Variants in GOLIM4 observed in about 807,000 individuals in gnomAD.
GOLIM4 encodes 130 kDa golgi-localized phosphoprotein.
GOLIM4 carries 71 observed loss-of-function variants against 107.4 expected under a neutral mutation model. That is an observed-to-expected ratio of 0.66 (90% CI 0.55 to 0.81). The LOEUF is 0.81. Ranked by LOEUF, GOLIM4 falls within the 30% of genes least tolerant of loss-of-function variation. GOLIM4 has a pLI of 0.00. For synonymous variants in GOLIM4, 327 were observed against 294.8 expected (o/e 1.11, Z -1.12); for missense variants, 830 against 826.1 (o/e 1.00, Z -0.06).
chr3:168,056,226 T>C (rs867570932), intron 1 of GOLIM4, among the ~76,000 whole-genome samples: 3 of 152,226 alleles, frequency 2.0e-5, no homozygotes, highest in Non-Finnish European at 2.9e-5. Context: ...GTCCCAAGCC[T>C]TGGCAGCTTC....
rs1480082316 is a variant in GOLIM4, at chr3:168,008,814, C to G, written c.*1455G>C. ...ATAATTGTATTCTGAATATTATGTA[C>G]AATATTATACATTTTACATTACATA... On this transcript the variant is annotated 3_prime_UTR_variant, in exon 16 of 16. Coordinates refer to ENST00000470487, the MANE Select transcript of GOLIM4 (RefSeq NM_014498.5). 2 of 151,322 alleles carry G rather than the reference C, an allele frequency of 1.3e-5. No homozygotes were observed. The highest frequency in any genetic ancestry group is 2.4e-5 in the African/African-American group (1 of 41,208). The allele number at this position is 151,322 out of a possible 1,614,324, so 9.4% of individuals were successfully genotyped here.
chr3:168,091,318 T>C (rs1000289931), intron 1 of GOLIM4, among the ~76,000 whole-genome samples: 2 of 152,214 alleles, frequency 1.3e-5, no homozygotes, highest in Non-Finnish European at 2.9e-5. Flanking sequence ...TCAGGCTCTT[T>C]GCCTCTACAC....
chr3:168,052,557 T>C (rs1719715092), intron 1 of GOLIM4, among the ~76,000 whole-genome samples: 1 of 152,130 alleles, frequency 6.6e-6, no homozygotes, highest in South Asian at 2.1e-4. Context: ...TTTTTGAAAA[T>C]AAAAACGGAA....
intron 4 of GOLIM4, 53 bp downstream of exon 4, chr3:168,044,775 A>C (rs1418925147): frequency 7.1e-6 from 7 of 983,046 alleles, no homozygotes; most frequent in Non-Finnish European, 9.4e-6. Flanking sequence ...AGTCAGTTCA[A>C]GTATTAGTTA....
chr3:168,050,820 C>T (rs1719586344), intron 1 of GOLIM4, among the ~76,000 whole-genome samples: 1 of 109,912 alleles, frequency 9.1e-6, no homozygotes, highest in Non-Finnish European at 1.8e-5. Context: ...CCTAGCAACA[C>T]CTATAATAAT....
At chr3:168,043,306 G>T in intron 5 of GOLIM4, 73 bp downstream of exon 5, 1 of 1,044,892 alleles carries the variant, frequency 9.6e-7, no homozygotes, top group Non-Finnish European at 1.4e-6. Flanking sequence ...CAAAACAACA[G>T]TCTACAGTTG....
chr3:168,014,531 C>T (rs1292883696), intron 14 of GOLIM4, among the ~76,000 whole-genome samples: 1 of 128,674 alleles, frequency 7.8e-6, no homozygotes, highest in African/African-American at 4.7e-5. Flanking sequence ...TCCTCCCTAA[C>T]TCATTTTATG....
chr3:168,095,464 G>A lies in GOLIM4; in HGVS notation c.-179C>T. 1.8e-6 allele frequency: 1 copy of A among 557,268 alleles called. No homozygotes were observed. Among genetic ancestry groups the A allele is most frequent in the Non-Finnish European group, 3.1e-6 (1 of 321,818 alleles). The allele number at this position is 557,268 out of a possible 1,614,324, so 34.5% of individuals were successfully genotyped here. A position where few individuals can be genotyped will look rare whatever the true frequency, so the allele number is the denominator to read the frequency against. On this transcript the variant is annotated 5_prime_UTR_variant, in exon 1 of 16. Transcript: ENST00000470487. ...CCGCTCAGCCCCCGCGCGGCGCGGG[G>A]CGCGCAGCCATCGACGCCGCCCGGG...
At chr3:168,075,824 C>T (rs1721060281) in intron 1 of GOLIM4, among the ~76,000 whole-genome samples, 1 of 152,128 alleles carries the variant, frequency 6.6e-6, no homozygotes, top group South Asian at 2.1e-4. Context: ...CAGTTTCTGA[C>T]ATTCTTAAGG....
chr3:168,011,827 G>C (rs1717054457), intron 14 of GOLIM4, among the ~76,000 whole-genome samples: 2 of 132,918 alleles, frequency 1.5e-5, no homozygotes, highest in South Asian at 4.2e-4. Flanking sequence ...ACCTGCAGCT[G>C]AGGGTCCTGT....
At chr3:168,083,317 G>C (rs865970994) in intron 1 of GOLIM4, among the ~76,000 whole-genome samples, 7 of 152,088 alleles carry the variant, frequency 4.6e-5, no homozygotes, top group African/African-American at 1.4e-4. Flanking sequence ...CTTCACCAAG[G>C]ACTGCAGTCT....
intron 14 of GOLIM4, among the ~76,000 whole-genome samples, chr3:168,022,094 T>C (rs868498512): frequency 6.6e-6 from 1 of 152,014 alleles, no homozygotes; most frequent in South Asian, 2.1e-4. Context: ...GAAGGCAGAG[T>C]AGTATAAATT....
Position 168,009,151 on chromosome 3 carries a change from T to C in GOLIM4, c.*1118A>G, listed in dbSNP as rs1209664523. The C allele has an allele frequency of 6.6e-6, 1 of 152,054 alleles. No individual in the cohort carries two copies. Among genetic ancestry groups the C allele is most frequent in the Non-Finnish European group, 1.5e-5 (1 of 67,990 alleles). 9.4% of individuals were successfully genotyped at this position (152,054 alleles called of 1,614,324 possible). A position where few individuals can be genotyped will look rare whatever the true frequency, so the allele number is the denominator to read the frequency against. On this transcript the variant is annotated 3_prime_UTR_variant, in exon 16 of 16. Coordinates refer to ENST00000470487, the MANE Select transcript of GOLIM4 (RefSeq NM_014498.5). The stretch of plus-strand genomic sequence containing the variant: ...AAGTTTCTGATTTTTAATTTTCTTA[T>C]TTTAAGGAATCTATTATATTCACAA...
At chr3:168,065,931 C>T (rs1212290109) in intron 1 of GOLIM4, among the ~76,000 whole-genome samples, 1 of 152,206 alleles carries the variant, frequency 6.6e-6, no homozygotes, top group Non-Finnish European at 1.5e-5. Flanking sequence ...TTTCTAAAGC[C>T]TCTTTCTGCT....
At chr3:168,037,975 G>A (rs7645114) in intron 7 of GOLIM4, among the ~76,000 whole-genome samples, 14,341 of 152,178 alleles carry the variant, frequency 0.094, 2,250 homozygotes, top group African/African-American at 0.33. Flanking sequence ...TGTGTGGGGC[G>A]CAGCAGGTGA....
intron 14 of GOLIM4, among the ~76,000 whole-genome samples, chr3:168,018,046 A>G (rs1217645741): frequency 6.6e-6 from 1 of 152,220 alleles, no homozygotes; most frequent in Non-Finnish European, 1.5e-5. Flanking sequence ...AAAACCATAC[A>G]TATGCCAAAA....
chr3:168,024,681 A>C (rs1160219525), intron 13 of GOLIM4, 87 bp from the exon 14 acceptor site: 1 of 1,145,808 alleles, frequency 8.7e-7, no homozygotes, highest in African/African-American at 1.5e-5. Flanking sequence ...CAAGCATGCC[A>C]CCATGAAAAG....
chr3:168,011,290 C>T (rs1717008341), intron 14 of GOLIM4, among the ~76,000 whole-genome samples: 1 of 152,010 alleles, frequency 6.6e-6, no homozygotes, highest in African/African-American at 2.4e-5. Context: ...ACGGACGGCA[C>T]CTGGAAAATC....
intron 1 of GOLIM4, among the ~76,000 whole-genome samples, chr3:168,070,451 T>C (rs993191777): frequency 2.6e-5 from 4 of 152,342 alleles, no homozygotes; most frequent in African/African-American, 9.6e-5. Context: ...AACTCAGGTC[T>C]ACACCATTCC....
Sources: gnomAD v4.1 joint callset for allele counts (sites outside exome capture counted in the v4.1 genomes callset) on GRCh38, gnomAD v4.1.1 for gene constraint, MANE v1.5 for transcripts, NCBI Gene and HGNC (gene_info 2026-07-23, HGNC 2026-07-21) for gene names.